CDYL: variants seen among roughly 807,000 people sequenced by gnomAD.
The protein encoded by CDYL is chromodomain Y like, also known as chromodomain Y-like protein.
Under a neutral mutation model 47.3 loss-of-function variants are expected in CDYL, and 8 were observed. The ratio of observed to expected loss-of-function variants is 0.17; its 90% CI spans 0.10 to 0.31. The LOEUF (loss-of-function observed/expected upper bound fraction) is 0.31, where lower values mean the gene tolerates loss of function less well. Ranked by LOEUF, CDYL falls within the 10% of genes least tolerant of loss-of-function variation. The pLI is 1.00. For missense variants in CDYL, 471 were observed against 701.4 expected (o/e 0.67, Z 3.71); for synonymous variants, 266 against 265.0 (o/e 1.00, Z -0.04).
intron 6 of CDYL, among the ~76,000 whole-genome samples, chr6:4,952,770 GGTT>G (rs1345472320): frequency 6.6e-6 from 1 of 151,982 alleles, no homozygotes; most frequent in Admixed American, 6.5e-5. Flanking sequence ...GTTGTTTTTG[GGTT>G]GTTGTTGTTT....
rs369131906 is a variant in CDYL, at chr6:4,707,684, C to T, written c.-39+1433C>T. 7.9e-5 allele frequency among the ~76,000 whole-genome samples: 12 copies of T among 152,230 alleles called. No individual in the cohort carries two copies. The East Asian group carries it at 1.5e-3, about 20-fold the overall frequency. Reference sequence around the variant, plus strand: ...TAAAATGTGTGCATTTTATCATATGCGGATAGTACCTAATTTAAAAGTTAA... The same window carrying T: ...TAAAATGTGTGCATTTTATCATATGTGGATAGTACCTAATTTAAAAGTTAA... On this transcript the variant is annotated intron_variant, in intron 1 of 8. Coordinates refer to the CDYL transcript ENST00000328908.
chr6:4,832,345 T>C (rs1461552853), intron 1 of CDYL, among the ~76,000 whole-genome samples: 4 of 151,848 alleles, frequency 2.6e-5, no homozygotes, highest in Non-Finnish European at 5.9e-5. Flanking sequence ...ATGTGGTTTT[T>C]GTCTTTGGCT....
intron 1 of CDYL, among the ~76,000 whole-genome samples, chr6:4,783,647 C>T (rs1758678063): frequency 6.6e-6 from 1 of 152,044 alleles, no homozygotes; most frequent in South Asian, 2.1e-4. Context: ...GAACTCCTGA[C>T]ATCAAGTGAT....
chr6:4,712,405 G>A (rs1757167296), intron 1 of CDYL, among the ~76,000 whole-genome samples: 1 of 152,206 alleles, frequency 6.6e-6, no homozygotes, highest in Non-Finnish European at 1.5e-5. Context: ...AGGTAGAAAG[G>A]GTGACAGTGG....
chr6:4,838,064 T>C (rs1199339599), intron 1 of CDYL, among the ~76,000 whole-genome samples: 1 of 152,128 alleles, frequency 6.6e-6, no homozygotes, highest in African/African-American at 2.4e-5. Flanking sequence ...ACTTGTGAGC[T>C]ATCACACCAG....
At chr6:4,719,418 C>T (rs922563357) in intron 2 of CDYL, among the ~76,000 whole-genome samples, 54 of 152,078 alleles carry the variant, frequency 3.6e-4, no homozygotes, top group African/African-American at 1.2e-3. Flanking sequence ...GCCTCACCTT[C>T]CCTCCCCTCT....
At chr6:4,920,587 T>G (rs547989759) in intron 2 of CDYL, among the ~76,000 whole-genome samples, 1 of 152,072 alleles carries the variant, frequency 6.6e-6, no homozygotes, top group Non-Finnish European at 1.5e-5. Flanking sequence ...GTGGTTAAAG[T>G]GAAATGGCAG....
At chr6:4,922,854 C>T (rs1757756956) in intron 2 of CDYL, among the ~76,000 whole-genome samples, 2 of 152,182 alleles carry the variant, frequency 1.3e-5, no homozygotes, top group South Asian at 2.1e-4. Context: ...TGCCCAGCCT[C>T]GGGGTGCGTC....
intron 1 of CDYL, among the ~76,000 whole-genome samples, chr6:4,803,127 C>T (rs1759273364): frequency 6.6e-6 from 1 of 152,228 alleles, no homozygotes; most frequent in Non-Finnish European, 1.5e-5. Flanking sequence ...TCGGACCTGG[C>T]TGTGATCACT....
intron 6 of CDYL, among the ~76,000 whole-genome samples, chr6:4,952,625 A>G (rs1196903519): frequency 1.3e-5 from 2 of 152,194 alleles, no homozygotes; most frequent in African/African-American, 4.8e-5. Context: ...AATGGACTTC[A>G]GTCTGAAATG....
intron 1 of CDYL, among the ~76,000 whole-genome samples, chr6:4,823,403 A>G (rs1759893800): frequency 6.6e-6 from 1 of 152,238 alleles, no homozygotes. Context: ...ATGGAAAGTC[A>G]GTGTTCAGAA....
intron 3 of CDYL, among the ~76,000 whole-genome samples, chr6:4,750,665 T>C (rs1388605803): frequency 6.6e-6 from 1 of 152,152 alleles, no homozygotes; most frequent in Non-Finnish European, 1.5e-5. Flanking sequence ...ATATGTGATG[T>C]ATTAAAAATA....
chr6:4,765,582 G>C (rs1461730807), intron 3 of CDYL, among the ~76,000 whole-genome samples: 1 of 138,700 alleles, frequency 7.2e-6, no homozygotes, highest in Non-Finnish European at 1.6e-5. Flanking sequence ...TTTTTTTTTT[G>C]ATACAGAGTC....
upstream of CDYL, among the ~76,000 whole-genome samples, chr6:4,775,831 C>T (rs1758423879): frequency 6.6e-6 from 1 of 150,456 alleles, no homozygotes; most frequent in Non-Finnish European, 1.5e-5. This position sits in a 1 kb window ranked among gnomAD's most constrained non-coding sequence, Gnocchi z 7.0. Context: ...CGCGGGCTGG[C>T]CCGGCCCCGG....
intron 1 of CDYL, among the ~76,000 whole-genome samples, chr6:4,886,585 G>A (rs1390827269): frequency 1.3e-5 from 2 of 151,732 alleles, no homozygotes; most frequent in African/African-American, 4.8e-5. Flanking sequence ...TTTTATTATT[G>A]AACTGTAAGA....
chr6:4,904,968 T>C (rs893548289), intron 2 of CDYL, among the ~76,000 whole-genome samples: 1 of 152,050 alleles, frequency 6.6e-6, no homozygotes, highest in African/African-American at 2.4e-5. Context: ...CCGCAGTGCC[T>C]GTGTGATCGG....
chr6:4,750,455 G>A (rs1342438849), intron 3 of CDYL, among the ~76,000 whole-genome samples: 1 of 152,106 alleles, frequency 6.6e-6, no homozygotes, highest in Non-Finnish European at 1.5e-5. Context: ...ACCTGCCTCA[G>A]CCTCCCAAAG....
intron 2 of CDYL, among the ~76,000 whole-genome samples, chr6:4,718,210 AATTT>A (rs1271568857): frequency 1.3e-4 from 20 of 152,098 alleles, no homozygotes; most frequent in East Asian, 3.9e-4. Flanking sequence ...ACCAGGAAAT[AATTT>A]ATTATTTCAT....
chr6:4,852,803 G>GTTTTTTTGTT (rs1163412177), intron 1 of CDYL, among the ~76,000 whole-genome samples: 2,600 of 147,576 alleles, frequency 0.018, 92 homozygotes, highest in African/African-American at 0.066. Flanking sequence ...GGGTTTCTTT[G>GTTTTTTTGTT]TTCTTTTTTT....
Sources: gnomAD v4.1 joint callset for allele counts (sites outside exome capture counted in the v4.1 genomes callset) on GRCh38, gnomAD v4.1.1 for gene constraint, Gnocchi (gnomAD v3.1) non-coding constraint, MANE v1.5 for transcripts, NCBI Gene and HGNC (gene_info 2026-07-23, HGNC 2026-07-21) for gene names.